The following SPOCK3 variants were observed in gnomAD, a reference collection of about 807,000 sequenced individuals.
SPOCK3 encodes the protein testican-3.
A neutral mutation model predicts 56.6 loss-of-function variants in SPOCK3; 30 were observed. That is an observed-to-expected ratio of 0.53 (90% CI 0.40 to 0.72). The LOEUF is 0.72. Ranked by LOEUF, SPOCK3 falls within the 30% of genes least tolerant of loss-of-function variation. The pLI, the probability that SPOCK3 is intolerant of heterozygous loss-of-function variation, is 0.00. For missense variants in SPOCK3, 527 were observed against 530.0 expected (o/e 0.99, Z 0.06); for synonymous variants, 196 against 183.3 (o/e 1.07, Z -0.56).
At chr4:167,078,156 A>G (rs1052662119) in intron 2 of SPOCK3, among the ~76,000 whole-genome samples, 2 of 151,934 alleles carry the variant, frequency 1.3e-5, no homozygotes, top group Non-Finnish European at 2.9e-5. Context: ...TTTCATGCAG[A>G]AGTACTAACA....
intron 2 of SPOCK3, among the ~76,000 whole-genome samples, chr4:167,122,129 TTTG>T (rs1761923333): frequency 6.6e-6 from 1 of 151,770 alleles, no homozygotes; most frequent in East Asian, 1.9e-4. Context: ...TCTTTTTTCT[TTTG>T]TTGTCTTTTT....
chr4:166,839,404 G>C (rs1158126377), intron 6 of SPOCK3, among the ~76,000 whole-genome samples: 3 of 152,140 alleles, frequency 2.0e-5, no homozygotes, highest in Admixed American at 6.5e-5. Flanking sequence ...GGGTGGTAGT[G>C]AAAGTCTTGA....
chr4:166,767,297 C>A (rs998835209), intron 7 of SPOCK3, among the ~76,000 whole-genome samples: 3 of 151,704 alleles, frequency 2.0e-5, no homozygotes, highest in East Asian at 1.9e-4. Context: ...TCAATTTTAG[C>A]TCTTTCCTGC....
At chr4:167,203,225 A>T (rs1045914704) in intron 2 of SPOCK3, among the ~76,000 whole-genome samples, 3 of 151,926 alleles carry the variant, frequency 2.0e-5, no homozygotes, top group Non-Finnish European at 2.9e-5. Context: ...GTCATGAAAA[A>T]TTGTATGTAT....
chr4:167,110,364 T>C (rs182970722), intron 2 of SPOCK3, among the ~76,000 whole-genome samples: 15 of 152,068 alleles, frequency 9.9e-5, no homozygotes, highest in Non-Finnish European at 1.6e-4. Context: ...CACCACCATA[T>C]GTACATTTCT....
chr4:166,843,470 T>C (rs1471254711), intron 6 of SPOCK3, among the ~76,000 whole-genome samples: 1 of 152,170 alleles, frequency 6.6e-6, no homozygotes, highest in Non-Finnish European at 1.5e-5. Context: ...TAATAGTGAG[T>C]CATTTAAAAA....
At chr4:167,015,529 G>T (rs934751758) in intron 3 of SPOCK3, among the ~76,000 whole-genome samples, 3 of 152,096 alleles carry the variant, frequency 2.0e-5, no homozygotes, top group Non-Finnish European at 4.4e-5. Flanking sequence ...AGCTGCAATT[G>T]CAAGAATAAT....
chr4:166,979,208 C>T (rs1324317538), intron 4 of SPOCK3, among the ~76,000 whole-genome samples: 1 of 152,142 alleles, frequency 6.6e-6, no homozygotes, highest in Non-Finnish European at 1.5e-5. Context: ...AGCTCCTCTT[C>T]CTACCCAGAG....
At chr4:166,743,328 T>C (rs999241895) in intron 8 of SPOCK3, among the ~76,000 whole-genome samples, 1 of 152,142 alleles carries the variant, frequency 6.6e-6, no homozygotes, top group African/African-American at 2.4e-5. Context: ...TATAATACAT[T>C]GAATTCAAAA....
intron 5 of SPOCK3, among the ~76,000 whole-genome samples, chr4:166,902,906 A>G (rs1736210294): frequency 6.6e-6 from 1 of 150,722 alleles, no homozygotes; most frequent in Non-Finnish European, 1.5e-5. Flanking sequence ...ATACATTAAT[A>G]TATATTATAC....
intron 2 of SPOCK3, among the ~76,000 whole-genome samples, chr4:167,184,590 G>T (rs2110789076): frequency 6.6e-6 from 1 of 152,202 alleles, no homozygotes; most frequent in African/African-American, 2.4e-5. Context: ...AGAGAAGTAA[G>T]GAATAGATTT....
chr4:167,117,965 G>A (rs1761570246), intron 2 of SPOCK3, among the ~76,000 whole-genome samples: 1 of 152,108 alleles, frequency 6.6e-6, no homozygotes, highest in African/African-American at 2.4e-5. Flanking sequence ...AACAGTGAGA[G>A]GAAATGGCAC....
intron 6 of SPOCK3, among the ~76,000 whole-genome samples, chr4:166,866,946 G>C (rs960782136): frequency 6.6e-6 from 1 of 151,864 alleles, no homozygotes; most frequent in Non-Finnish European, 1.5e-5. Context: ...ATTATTTATC[G>C]TACACAAAAC....
Position 167,207,094 on chromosome 4 carries a change from AAAATT to A in SPOCK3, c.189+26886_189+26890del, listed in dbSNP as rs554836614. ...GCACAACTATTACGTGTCAACTATA[AAAATT>A]AAATTAAATTTTATAAAAATAAACT... On this transcript the variant is annotated intron_variant, in intron 2 of 10. Coordinates refer to ENST00000357545, the MANE Select transcript of SPOCK3 (RefSeq NM_001040159.2). 4.4e-4 allele frequency among the ~76,000 whole-genome samples: 67 copies of A among 152,226 alleles called. 1 individual carries two copies. Among genetic ancestry groups the A allele is most frequent in the Non-Finnish European group, 7.6e-4 (52 of 67,974 alleles).
At chr4:166,751,673 A>G (rs1736390148) in intron 8 of SPOCK3, among the ~76,000 whole-genome samples, 1 of 152,170 alleles carries the variant, frequency 6.6e-6, no homozygotes, top group African/African-American at 2.4e-5. Context: ...GGAGCTGAAT[A>G]AATGTTAGTT....
Position 167,187,260 on chromosome 4 carries a change from T to C in SPOCK3, c.189+46725A>G, listed in dbSNP as rs564848273. Among the ~76,000 whole-genome samples the C allele has an allele frequency of 6.3e-4, 94 of 149,100 alleles. 1 individual carries two copies. In the South Asian group the frequency reaches 0.018, roughly 29 times the overall value. ...TGCCTCTTGTTTCTAGAAGCAACTT[T>C]AGGGTTCCAGTTTTTTTTTTTTTTT... On this transcript the variant is annotated intron_variant, in intron 2 of 10. Coordinates refer to ENST00000357545, the MANE Select transcript of SPOCK3 (RefSeq NM_001040159.2).
chr4:166,951,452 C>A (rs1742611839), intron 4 of SPOCK3, among the ~76,000 whole-genome samples: 1 of 142,014 alleles, frequency 7.0e-6, no homozygotes, highest in African/African-American at 2.9e-5. Context: ...AGCTTACCAA[C>A]AAAAAAGAGT....
chr4:166,995,249 A>ATG (rs58554412), intron 4 of SPOCK3, among the ~76,000 whole-genome samples: 3,598 of 151,188 alleles, frequency 0.024, 138 homozygotes, highest in African/African-American at 0.082. Flanking sequence ...GTATGTATGT[A>ATG]TGTGTGTGTG....
intron 2 of SPOCK3, among the ~76,000 whole-genome samples, chr4:167,193,482 T>C (rs1306762599): frequency 6.9e-6 from 1 of 145,910 alleles, no homozygotes. Context: ...AATTAATAAA[T>C]TATCATAGCT....
Sources: gnomAD v4.1 joint callset for allele counts (sites outside exome capture counted in the v4.1 genomes callset) on GRCh38, gnomAD v4.1.1 for gene constraint, MANE v1.5 for transcripts, NCBI Gene and HGNC (gene_info 2026-07-23, HGNC 2026-07-21) for gene names.